PPP2R2C: variants seen among roughly 807,000 people sequenced by gnomAD.
PPP2R2C encodes the protein protein phosphatase 2, regulatory subunit B, gamma.
A neutral mutation model predicts 45.3 loss-of-function variants in PPP2R2C; 10 were observed. The ratio of observed to expected loss-of-function variants is 0.22; its 90% CI spans 0.14 to 0.37. The LOEUF is 0.37. Among genes scored for constraint, PPP2R2C ranks in the 10% least tolerant of loss-of-function variants. The probability of loss-of-function intolerance (pLI) is 1.00; values close to 1 mark genes in which losing one functional copy is unlikely to be tolerated. For synonymous variants in PPP2R2C, 257 were observed against 245.4 expected, an observed-to-expected ratio of 1.05 and a Z score of -0.44; for missense variants, 308 against 619.7, an observed-to-expected ratio of 0.50 and a Z score of 5.34.
At chr4:6,412,459 C>T (rs1000779435) in intron 1 of PPP2R2C, among the ~76,000 whole-genome samples, 2 of 152,128 alleles carry the variant, frequency 1.3e-5, no homozygotes, top group Non-Finnish European at 2.9e-5. Context: ...TTTCTATCTC[C>T]CTGACACACA....
intron 1 of PPP2R2C, among the ~76,000 whole-genome samples, chr4:6,454,773 G>A (rs968120478): frequency 2.6e-5 from 4 of 152,200 alleles, no homozygotes; most frequent in Admixed American, 6.5e-5. Flanking sequence ...CAACCTCTCT[G>A]AGGCTCAGCG....
chr4:6,545,076 C>T (rs1440920122), intron 1 of PPP2R2C, among the ~76,000 whole-genome samples: 1 of 152,188 alleles, frequency 6.6e-6, no homozygotes, highest in East Asian at 1.9e-4. Flanking sequence ...GGGGTCCCCA[C>T]AGCCTGGGGC....
At chr4:6,352,097 C>T (rs1047689621) in intron 5 of PPP2R2C, among the ~76,000 whole-genome samples, 17 of 152,200 alleles carry the variant, frequency 1.1e-4, no homozygotes, top group African/African-American at 4.1e-4. Context: ...TTCTGCCCCA[C>T]ACCATGCCCT....
intron 5 of PPP2R2C, among the ~76,000 whole-genome samples, chr4:6,356,182 T>C (rs1332846405): frequency 6.6e-6 from 1 of 152,096 alleles, no homozygotes; most frequent in African/African-American, 2.4e-5. Context: ...GCTTGTGTCA[T>C]TCACCTGACT....
chr4:6,412,287 A>G (rs1304282738), intron 1 of PPP2R2C, among the ~76,000 whole-genome samples: 2 of 152,182 alleles, frequency 1.3e-5, no homozygotes, highest in East Asian at 3.9e-4. Context: ...ATTGACTTCT[A>G]AACAACGTTC....
At chr4:6,410,726 G>A (rs1177523311) in intron 1 of PPP2R2C, among the ~76,000 whole-genome samples, 1 of 152,070 alleles carries the variant, frequency 6.6e-6, no homozygotes, top group Non-Finnish European at 1.5e-5. Flanking sequence ...ACCCCAGTGA[G>A]CCTGGCCAGG....
intron 1 of PPP2R2C, among the ~76,000 whole-genome samples, chr4:6,404,177 A>T (rs1196660769): frequency 6.6e-6 from 1 of 152,144 alleles, no homozygotes; most frequent in African/African-American, 2.4e-5. Context: ...GCACTGCAAC[A>T]GGCTTCTGGG....
At chr4:6,507,434 C>T (rs1388827623) in intron 2 of PPP2R2C, among the ~76,000 whole-genome samples, 9 of 152,212 alleles carry the variant, frequency 5.9e-5, no homozygotes, top group Admixed American at 2.6e-4. Flanking sequence ...CTTAACAGTC[C>T]GTGCAGTTTC....
intron 1 of PPP2R2C, among the ~76,000 whole-genome samples, chr4:6,558,155 G>A (rs566805623): frequency 3.9e-5 from 6 of 152,290 alleles, no homozygotes; most frequent in South Asian, 2.1e-4. Context: ...TGTGATGATC[G>A]CATCCCAACA....
In PPP2R2C at chr4:6,384,773, C is replaced by T. The variant is rs149375302; in HGVS notation, c.71-3679G>A. On this transcript the variant is annotated intron_variant, in intron 1 of 8. Transcript: ENST00000382599. ...TCCTTTAACCTCACGCCAGCCCCTGCGGGAGACACTACTGTGATTTCCATT... is the reference window on the plus strand; with the variant it reads ...TCCTTTAACCTCACGCCAGCCCCTGTGGGAGACACTACTGTGATTTCCATT... 1.4e-5 allele frequency: 14 copies of T among 985,462 alleles called. No homozygotes were observed. The East Asian group carries it at 4.5e-4, about 32-fold the overall frequency. The allele number at this position is 985,462 out of a possible 1,614,324, so 61.0% of individuals were successfully genotyped here. A position where few individuals can be genotyped will look rare whatever the true frequency, so the allele number is the denominator to read the frequency against.
At position 6,345,457 on chromosome 4, in the gene PPP2R2C, T is replaced by C. The variant is rs1711773086; in HGVS notation, c.790+2389A>G. ...AATCAAGGACGCAACTCAGCCAACC[T>C]TGAGATGAGGAAGTCATCCTGGATC... On this transcript the variant is annotated intron_variant, in intron 6 of 8. Transcript: ENST00000382599. This position sits in a 1 kb window ranked among gnomAD's most constrained non-coding sequence, Gnocchi z 5.3. 6.6e-6 allele frequency among the ~76,000 whole-genome samples: 1 copy of C among 152,124 alleles called. No individual in the cohort carries two copies. The highest frequency in any genetic ancestry group is 1.5e-5 in the Non-Finnish European group (1 of 68,008).
At chr4:6,381,597 CCT>C (rs962358252) in intron 1 of PPP2R2C, 12 of 1,457,538 alleles carry the variant, frequency 8.2e-6, no homozygotes, top group Admixed American at 8.1e-5. Context: ...TGAATTACCC[CCT>C]CTCCTTCAGA....
intron 1 of PPP2R2C, among the ~76,000 whole-genome samples, chr4:6,445,142 T>C (rs747460386): frequency 5.9e-5 from 9 of 151,528 alleles, no homozygotes; most frequent in Non-Finnish European, 8.8e-5. Context: ...TGAGCTGAGA[T>C]CACATCACTG....
chr4:6,397,982 A>T (rs1175102475), intron 1 of PPP2R2C, among the ~76,000 whole-genome samples: 5 of 152,246 alleles, frequency 3.3e-5, no homozygotes, highest in Non-Finnish European at 5.9e-5. Flanking sequence ...AGAATCCAGA[A>T]CTAGACCCAC....
chr4:6,323,969 A>AT (rs1000240171), intron 8 of PPP2R2C, among the ~76,000 whole-genome samples: 1 of 152,100 alleles, frequency 6.6e-6, no homozygotes, highest in African/African-American at 2.4e-5. Context: ...TGAAAAAGCA[A>AT]TCCCAGAGCC....
intron 1 of PPP2R2C, among the ~76,000 whole-genome samples, chr4:6,408,237 C>T (rs1717927578): frequency 6.6e-6 from 1 of 152,174 alleles, no homozygotes; most frequent in African/African-American, 2.4e-5. Context: ...CAGAAGAGAC[C>T]TAGACCCCCA....
chr4:6,382,153 C>G, intron 1 of PPP2R2C: 1 of 1,207,236 alleles, frequency 8.3e-7, no homozygotes, highest in South Asian at 1.7e-5. Flanking sequence ...CTATAAAAAT[C>G]CACATTTCCA....
At chr4:6,402,518 C>G (rs1204015645) in intron 1 of PPP2R2C, among the ~76,000 whole-genome samples, 1 of 152,160 alleles carries the variant, frequency 6.6e-6, no homozygotes, top group African/African-American at 2.4e-5. Context: ...TCTTGCCTTC[C>G]TTCCTTCCTC....
chr4:6,328,164 C>A lies in PPP2R2C; in HGVS notation c.1052+1098G>T. Among the ~76,000 whole-genome samples the A allele has an allele frequency of 6.6e-6, 1 of 152,192 alleles. No homozygotes were observed. Among genetic ancestry groups the A allele is most frequent in the Admixed American group, 6.5e-5 (1 of 15,286 alleles). On this transcript the variant is annotated intron_variant, in intron 8 of 8. Coordinates refer to ENST00000382599, the MANE Select transcript of PPP2R2C (RefSeq NM_020416.4). The surrounding 1 kb of genome is among the most constrained non-coding windows in gnomAD (Gnocchi z 4.4). ...GGACAGCCCCCCACCAGGTGATGCC[C>A]AAGTCAGGGCTGCTGGCTCTCACTC...
Sources: allele counts gnomAD v4.1 joint callset (sites outside exome capture counted in the v4.1 genomes callset), GRCh38; gene constraint gnomAD v4.1.1; non-coding constraint Gnocchi (gnomAD v3.1); transcripts MANE v1.5; gene names NCBI Gene and HGNC (gene_info 2026-07-23, HGNC 2026-07-21).